SLC22A15: variants seen among roughly 807,000 people sequenced by gnomAD.
SLC22A15 encodes flipt 1.
SLC22A15 carries 45 observed loss-of-function variants against 62.7 expected under a neutral mutation model. The observed-to-expected ratio is 0.72, with a 90% CI of 0.56 to 0.92. The LOEUF is 0.92. SLC22A15 is among the 40% of genes least tolerant of loss of function. The pLI, the probability that SLC22A15 is intolerant of heterozygous loss-of-function variation, is 0.00. For synonymous variants in SLC22A15, 264 were observed against 267.0 expected (o/e 0.99, Z 0.11); for missense variants, 622 against 665.6 (o/e 0.93, Z 0.72).
chr1:116,066,716 AT>A lies in SLC22A15; in HGVS notation c.1554+13del. The A allele has an allele frequency of 6.2e-7, 1 of 1,605,282 alleles. No individual in the cohort carries two copies. The highest frequency in any genetic ancestry group is 1.1e-5 in the South Asian group (1 of 89,258). ...GCTTTGGACCCCCAACAGGTGTGAT[AT>A]TTTTCTTAATTATTATACCGCTTGG... On this transcript the variant is annotated intron_variant, in intron 11 of 11. Transcript: ENST00000369503.
At chr1:115,986,454 G>A (rs945164212) in intron 1 of SLC22A15, among the ~76,000 whole-genome samples, 1 of 152,158 alleles carries the variant, frequency 6.6e-6, no homozygotes, top group Non-Finnish European at 1.5e-5. Flanking sequence ...AAATAATACA[G>A]CCAACTAATG....
intron 1 of SLC22A15, among the ~76,000 whole-genome samples, chr1:115,985,945 C>CAAAA (rs35381675): frequency 8.7e-6 from 1 of 114,462 alleles, no homozygotes; most frequent in Admixed American, 9.0e-5. Flanking sequence ...GACTCCATCT[C>CAAAA]AAAAAAAAAA....
At chr1:116,027,401 G>GAATACAGAT (rs1657148661) in intron 5 of SLC22A15, 1 of 511,564 alleles carries the variant, frequency 2.0e-6, no homozygotes, top group East Asian at 5.5e-5. Context: ...TATTGGATAT[G>GAATACAGAT]TAGTGACAAC....
chr1:116,050,745 A>C (rs1658031300), intron 8 of SLC22A15, among the ~76,000 whole-genome samples: 1 of 152,248 alleles, frequency 6.6e-6, no homozygotes, highest in Non-Finnish European at 1.5e-5. Context: ...AGAGAAAGAA[A>C]TAAAGGGCAT....
chr1:116,016,838 T>A (rs563966504), intron 2 of SLC22A15, among the ~76,000 whole-genome samples: 1 of 152,222 alleles, frequency 6.6e-6, no homozygotes, highest in African/African-American at 2.4e-5. Context: ...TCCATTCAGT[T>A]CTCTCCATCA....
At chr1:115,992,624 C>T (rs370978515) in intron 2 of SLC22A15, among the ~76,000 whole-genome samples, 5 of 137,498 alleles carry the variant, frequency 3.6e-5, no homozygotes, top group Admixed American at 7.5e-5. Context: ...TTTTTCTTTT[C>T]TTTTTTTTTT....
At chr1:116,042,046 C>T (rs1186057089) in intron 8 of SLC22A15, among the ~76,000 whole-genome samples, 1 of 150,604 alleles carries the variant, frequency 6.6e-6, no homozygotes, top group African/African-American at 2.4e-5. Flanking sequence ...GGAACAAAGA[C>T]CAACAAGACT....
intron 2 of SLC22A15, among the ~76,000 whole-genome samples, chr1:115,996,647 T>C (rs1655440730): frequency 6.6e-6 from 1 of 151,518 alleles, no homozygotes; most frequent in Admixed American, 6.6e-5. Flanking sequence ...TACATGTTTA[T>C]TGCTAGTATA....
intron 2 of SLC22A15, among the ~76,000 whole-genome samples, chr1:116,018,023 A>G (rs1656624828): frequency 6.6e-6 from 1 of 152,250 alleles, no homozygotes; most frequent in African/African-American, 2.4e-5. Flanking sequence ...GTGATATAAA[A>G]TTTACCATTT....
At position 116,020,573 on chromosome 1, in the gene SLC22A15, A is replaced by AC; in HGVS notation, c.434-147dup. ...TCCATCTCAAAAAAAAAACAAAAAA[A>AC]CAAAAAAAAACAAAAAGAAACCCAC... On this transcript the variant is annotated intron_variant, in intron 3 of 11. Coordinates refer to ENST00000369503, the MANE Select transcript of SLC22A15 (RefSeq NM_018420.3). The AC allele has an allele frequency of 4.3e-6, 3 of 701,570 alleles. 1 individual carries two copies. The South Asian group carries it at 7.9e-5, about 18-fold the overall frequency. The allele number at this position is 701,570 out of a possible 1,614,324, so 43.5% of individuals were successfully genotyped here.
chr1:116,024,460 G>A (rs1656994438), intron 4 of SLC22A15, among the ~76,000 whole-genome samples: 1 of 152,096 alleles, frequency 6.6e-6, no homozygotes, highest in Admixed American at 6.5e-5. Context: ...TTTTAAAATA[G>A]GCATAGTACT....
chr1:115,992,619 C>A (rs377487933), intron 2 of SLC22A15, among the ~76,000 whole-genome samples: 1 of 118,082 alleles, frequency 8.5e-6, no homozygotes. Flanking sequence ...TTCTTTTTTT[C>A]TTTTCTTTTT....
At chr1:116,064,300 G>C in intron 9 of SLC22A15, 136 bp from the exon 10 acceptor site, 1 of 653,072 alleles carries the variant, frequency 1.5e-6, no homozygotes, top group South Asian at 1.9e-5. Flanking sequence ...CTAGTAGGCA[G>C]CTCTAGAACC....
At chr1:115,988,474 A>G (rs949290176) in intron 1 of SLC22A15, among the ~76,000 whole-genome samples, 20 of 152,188 alleles carry the variant, frequency 1.3e-4, no homozygotes, top group African/African-American at 4.3e-4. Flanking sequence ...ATGCTAAGCC[A>G]TCTTTGACTT....
chr1:115,989,699 T>G (rs918696300), intron 1 of SLC22A15, among the ~76,000 whole-genome samples: 1 of 151,674 alleles, frequency 6.6e-6, no homozygotes. Context: ...GAGAATTGCT[T>G]GAATCCGGGA....
chr1:116,055,266 A>G (rs1281031575), intron 8 of SLC22A15, among the ~76,000 whole-genome samples: 1 of 152,248 alleles, frequency 6.6e-6, no homozygotes, highest in African/African-American at 2.4e-5. Context: ...ATCAGAGGAT[A>G]CTACAAACAC....
At position 116,032,721 on chromosome 1, in the gene SLC22A15, C is replaced by T. The variant is rs145975790; in HGVS notation, c.944+1140C>T. ...TTGGAGGCATGGAGATTAAGAAAACCGTTGAAAGCCAAACCTGACAACACA... is the reference window on the plus strand; with the variant it reads ...TTGGAGGCATGGAGATTAAGAAAACTGTTGAAAGCCAAACCTGACAACACA... On this transcript the variant is annotated intron_variant, in intron 6 of 11. Coordinates refer to ENST00000369503, the MANE Select transcript of SLC22A15 (RefSeq NM_018420.3). 632 of 836,142 alleles carry T rather than the reference C, an allele frequency of 7.6e-4. 3 individuals carry two copies. The African/African-American group carries it at 0.011, about 14-fold the overall frequency. 51.8% of individuals were successfully genotyped at this position (836,142 alleles called of 1,614,324 possible). A position where few individuals can be genotyped will look rare whatever the true frequency, so the allele number is the denominator to read the frequency against.
intron 2 of SLC22A15, chr1:116,017,837 T>C: frequency 6.4e-6 from 1 of 157,390 alleles, no homozygotes. Flanking sequence ...TTCTCTGAGG[T>C]TATTCTGTGA....
intron 4 of SLC22A15, among the ~76,000 whole-genome samples, chr1:116,022,746 C>A (rs1035367700): frequency 2.0e-5 from 3 of 152,122 alleles, no homozygotes; most frequent in Non-Finnish European, 4.4e-5. Flanking sequence ...ATCAAAATTT[C>A]TGTAGCAAAG....
Sources: allele counts gnomAD v4.1 joint callset (sites outside exome capture counted in the v4.1 genomes callset), GRCh38; gene constraint gnomAD v4.1.1; transcripts MANE v1.5; gene names NCBI Gene and HGNC (gene_info 2026-07-23, HGNC 2026-07-21).